SLIT2: variants seen among roughly 807,000 people sequenced by gnomAD.
SLIT2 encodes the protein slit guidance ligand 2, also known as slit homolog 2 protein.
A neutral mutation model predicts 185.7 loss-of-function variants in SLIT2; 41 were observed. The observed-to-expected ratio is 0.22, with a 90% CI of 0.17 to 0.29. SLIT2 has a LOEUF of 0.29. Among genes scored for constraint, SLIT2 ranks in the 10% least tolerant of loss-of-function variants. The probability of loss-of-function intolerance (pLI) is 1.00; values close to 1 mark genes in which losing one functional copy is unlikely to be tolerated. For missense variants in SLIT2, 1,571 were observed against 1,909.0 expected (o/e 0.82, Z 3.30); for synonymous variants, 693 against 680.2 (o/e 1.02, Z -0.29).
intron 15 of SLIT2, among the ~76,000 whole-genome samples, chr4:20,526,695 C>T (rs1396581312): frequency 2.0e-5 from 3 of 152,074 alleles, no homozygotes; most frequent in East Asian, 1.9e-4. Context: ...TGGAAATTAT[C>T]TTTTATATCA....
intron 4 of SLIT2, among the ~76,000 whole-genome samples, chr4:20,309,405 T>A (rs1014925849): frequency 1.3e-5 from 2 of 152,038 alleles, no homozygotes; most frequent in African/African-American, 4.8e-5. Flanking sequence ...TTATCCACTC[T>A]CTTTTCTTCT....
intron 4 of SLIT2, among the ~76,000 whole-genome samples, chr4:20,437,205 G>A (rs754136357): frequency 2.6e-5 from 4 of 151,956 alleles, no homozygotes; most frequent in African/African-American, 4.8e-5. Context: ...ATGTCTGCTC[G>A]GCAGAATCTC....
chr4:20,340,493 T>A (rs1398211258), intron 4 of SLIT2, among the ~76,000 whole-genome samples: 2 of 152,210 alleles, frequency 1.3e-5, no homozygotes, highest in Non-Finnish European at 2.9e-5. Flanking sequence ...CTTCTGGATG[T>A]TTAGGACATA....
rs1721449197 is a variant in SLIT2 at position 20,528,036 on chromosome 4, C to T, written c.1463-913C>T. Among the ~76,000 whole-genome samples the T allele has an allele frequency of 1.3e-5, 2 of 151,922 alleles. No homozygotes were observed. The highest frequency in any genetic ancestry group is 2.1e-4 in the South Asian group (1 of 4,792). ...TCAACTTCTTCCTGGATGTTGTTCC[C>T]GAAAGCTGTTGTTTCCATTCTGCAG... On this transcript the variant is annotated intron_variant, in intron 15 of 36. Coordinates refer to ENST00000504154, the MANE Select transcript of SLIT2 (RefSeq NM_004787.4). This position sits in a 1 kb window ranked among gnomAD's most constrained non-coding sequence, Gnocchi z 4.2.
intron 6 of SLIT2, 109 bp downstream of exon 6, chr4:20,480,896 C>A: frequency 1.3e-6 from 1 of 781,906 alleles, no homozygotes; most frequent in South Asian, 1.5e-5. Flanking sequence ...AATAGTCTCT[C>A]AAGAGATACC....
intron 4 of SLIT2, among the ~76,000 whole-genome samples, chr4:20,463,434 T>G (rs1294546512): frequency 1.6e-5 from 2 of 124,244 alleles, no homozygotes; most frequent in Non-Finnish European, 3.3e-5. Flanking sequence ...CTATCTTCAT[T>G]GACCTCAAAC....
intron 4 of SLIT2, among the ~76,000 whole-genome samples, chr4:20,297,482 A>G (rs575734164): frequency 1.3e-5 from 2 of 152,324 alleles, no homozygotes; most frequent in Non-Finnish European, 2.9e-5. Flanking sequence ...CAGCAGATGA[A>G]AAGTCATTCC....
At chr4:20,333,954 T>C (rs1720276716) in intron 4 of SLIT2, among the ~76,000 whole-genome samples, 2 of 152,188 alleles carry the variant, frequency 1.3e-5, no homozygotes, top group South Asian at 4.1e-4. Flanking sequence ...CTGCAAAGAT[T>C]GGTGCCAATT....
chr4:20,517,788 C>T (rs752175790), intron 11 of SLIT2, among the ~76,000 whole-genome samples: 4 of 152,022 alleles, frequency 2.6e-5, no homozygotes, highest in Non-Finnish European at 4.4e-5. Flanking sequence ...TTTTCTCTCA[C>T]GTATTCATCT....
intron 4 of SLIT2, among the ~76,000 whole-genome samples, chr4:20,361,721 C>G (rs1722757801): frequency 1.3e-5 from 2 of 151,970 alleles, no homozygotes; most frequent in Non-Finnish European, 2.9e-5. Context: ...TTTAAAGATT[C>G]TACAACATAA....
chr4:20,491,199 T>A (rs1717752879), intron 8 of SLIT2, among the ~76,000 whole-genome samples: 1 of 152,234 alleles, frequency 6.6e-6, no homozygotes, highest in African/African-American at 2.4e-5. Context: ...ATTATTATGA[T>A]TTCAGATAAA....
intron 8 of SLIT2, among the ~76,000 whole-genome samples, chr4:20,490,600 C>T (rs1386411393): frequency 6.6e-6 from 1 of 152,054 alleles, no homozygotes; most frequent in Non-Finnish European, 1.5e-5. Context: ...ATGACTAGTA[C>T]TTGATGCTAT....
chr4:20,291,479 TATATATATATATA>T lies in SLIT2; in HGVS notation c.395+22599_395+22611del, dbSNP rs1280983865. ...ATATATATATATATATATATATATA[TATATATATATATA>T]TTTTTTTTTTTTTTTTTTTTTTTTT... On this transcript the variant is annotated intron_variant, in intron 4 of 36. Coordinates refer to ENST00000504154, the MANE Select transcript of SLIT2 (RefSeq NM_004787.4). 1.9e-3 allele frequency among the ~76,000 whole-genome samples: 18 copies of T among 9,712 alleles called. 1 individual carries two copies. Among genetic ancestry groups the T allele is most frequent in the South Asian group, 4.6e-3 (1 of 216 alleles). 6.4% of individuals were successfully genotyped at this position (9,712 alleles called of 152,430 possible).
intron 4 of SLIT2, among the ~76,000 whole-genome samples, chr4:20,451,691 C>T (rs915123246): frequency 1.3e-5 from 2 of 152,138 alleles, no homozygotes; most frequent in Non-Finnish European, 2.9e-5. Flanking sequence ...TCATTTTATG[C>T]AGTACCTTTG....
At chr4:20,352,577 G>A (rs1721974219) in intron 4 of SLIT2, among the ~76,000 whole-genome samples, 1 of 152,116 alleles carries the variant, frequency 6.6e-6, no homozygotes, top group African/African-American at 2.4e-5. Flanking sequence ...AGGGCTCAAG[G>A]CATATTAAAC....
intron 4 of SLIT2, among the ~76,000 whole-genome samples, chr4:20,351,029 T>G (rs1721825477): frequency 6.6e-6 from 1 of 151,772 alleles, no homozygotes; most frequent in East Asian, 1.9e-4. Context: ...TTTTGAGGTT[T>G]GATATAGTCT....
At chr4:20,265,645 A>G (rs1412297540) in intron 3 of SLIT2, among the ~76,000 whole-genome samples, 8 of 151,788 alleles carry the variant, frequency 5.3e-5, no homozygotes, top group Non-Finnish European at 1.2e-4. Context: ...AATTCTTCGT[A>G]TATATTTTCA....
intron 17 of SLIT2, chr4:20,533,279 G>A: frequency 7.4e-6 from 2 of 270,480 alleles, no homozygotes; most frequent in Admixed American, 5.0e-5. Flanking sequence ...TTTATAGATG[G>A]CATAAAGGTT....
Position 20,619,581 on chromosome 4 carries a change from CT to C in SLIT2, c.*576del, listed in dbSNP as rs1363589247. 2.0e-5 allele frequency: 3 copies of C among 152,082 alleles called. No individual in the cohort carries two copies. Among genetic ancestry groups the C allele is most frequent in the Non-Finnish European group, 4.4e-5 (3 of 68,030 alleles). 9.4% of individuals were successfully genotyped at this position (152,082 alleles called of 1,614,324 possible). ...AAGTGCTAAAATAAATTTTATCTTCCTTTTAAATGTCAGCATGTCAGCAGAA... is the reference window on the plus strand; with the variant it reads ...AAGTGCTAAAATAAATTTTATCTTCCTTTAAATGTCAGCATGTCAGCAGAA... On this transcript the variant is annotated 3_prime_UTR_variant, in exon 37 of 37. Transcript: ENST00000504154.
Sources: gnomAD v4.1 joint callset for allele counts (sites outside exome capture counted in the v4.1 genomes callset) on GRCh38, gnomAD v4.1.1 for gene constraint, Gnocchi (gnomAD v3.1) non-coding constraint, MANE v1.5 for transcripts, NCBI Gene and HGNC (gene_info 2026-07-23, HGNC 2026-07-21) for gene names.